The following NRXN1 variants were observed in gnomAD, a reference collection of about 807,000 sequenced individuals.
NRXN1 encodes the protein neurexin 1, also known as neurexin-1.
NRXN1 carries 39 observed loss-of-function variants against 150.9 expected under a neutral mutation model. The observed-to-expected ratio is 0.26, with a 90% CI of 0.20 to 0.34. The LOEUF is 0.34. Among genes scored for constraint, NRXN1 ranks in the 10% least tolerant of loss-of-function variants. The probability of loss-of-function intolerance (pLI) is 1.00; values close to 1 mark genes in which losing one functional copy is unlikely to be tolerated. For synonymous variants in NRXN1, 924 were observed against 757.0 expected, an observed-to-expected ratio of 1.22 and a Z score of -3.62; for missense variants, 1,815 against 1,949.9, an observed-to-expected ratio of 0.93 and a Z score of 1.30.
intron 5 of NRXN1, among the ~76,000 whole-genome samples, chr2:50,761,451 A>C (rs1415255799): frequency 6.6e-6 from 1 of 151,926 alleles, no homozygotes; most frequent in African/African-American, 2.4e-5. Flanking sequence ...GCCTGCTGCC[A>C]TGTAAGATGC....
At chr2:50,885,625 T>C (rs998665947) in intron 5 of NRXN1, among the ~76,000 whole-genome samples, 1 of 151,456 alleles carries the variant, frequency 6.6e-6, no homozygotes, top group Non-Finnish European at 1.5e-5. Context: ...CCAGGAGATA[T>C]GAAGTCATAC....
At chr2:50,411,317 C>T (rs1162002052) in intron 17 of NRXN1, among the ~76,000 whole-genome samples, 1 of 152,202 alleles carries the variant, frequency 6.6e-6, no homozygotes, top group Non-Finnish European at 1.5e-5. Context: ...CAGAGTCTCG[C>T]TCACTCAGTG....
chr2:49,959,372 T>C (rs1201163795), intron 21 of NRXN1, among the ~76,000 whole-genome samples: 7 of 152,214 alleles, frequency 4.6e-5, no homozygotes, highest in Non-Finnish European at 8.8e-5. Flanking sequence ...GATGCAGCCA[T>C]GCAGGCATCC....
At chr2:50,034,030 A>G (rs899371363) in intron 21 of NRXN1, among the ~76,000 whole-genome samples, 10 of 152,034 alleles carry the variant, frequency 6.6e-5, no homozygotes, top group South Asian at 2.1e-4. Flanking sequence ...GAGAATGCTT[A>G]TACACTGTTG....
At chr2:50,501,400 A>ACTGTGT (rs1553706191) in intron 13 of NRXN1, among the ~76,000 whole-genome samples, 3 of 148,180 alleles carry the variant, frequency 2.0e-5, no homozygotes, top group African/African-American at 2.5e-5. Context: ...TGTGTGTGTG[A>ACTGTGT]GTGTGTGTGT....
At chr2:50,500,752 A>G (rs2091899753) in intron 13 of NRXN1, among the ~76,000 whole-genome samples, 2 of 152,338 alleles carry the variant, frequency 1.3e-5, no homozygotes, top group East Asian at 1.9e-4. Context: ...AGAAATCTCA[A>G]TATTTCCAAG....
chr2:50,329,684 T>TAA (rs2076703803), intron 17 of NRXN1, among the ~76,000 whole-genome samples: 1 of 86,568 alleles, frequency 1.2e-5, no homozygotes, highest in Non-Finnish European at 2.3e-5. Flanking sequence ...TTTTTTTTTT[T>TAA]CCCCCCCGAG....
At chr2:50,163,269 A>G (rs551046406) in intron 18 of NRXN1, among the ~76,000 whole-genome samples, 5 of 151,782 alleles carry the variant, frequency 3.3e-5, no homozygotes, top group South Asian at 4.2e-4. Context: ...CAGACGTCCA[A>G]TGATACACGG....
At chr2:50,871,873 G>C (rs1023503358) in intron 5 of NRXN1, among the ~76,000 whole-genome samples, 2 of 151,790 alleles carry the variant, frequency 1.3e-5, no homozygotes, top group Non-Finnish European at 2.9e-5. Flanking sequence ...TTAAAATTTA[G>C]AGTATTTTAA....
At chr2:50,641,801 A>G (rs976224354) in intron 5 of NRXN1, among the ~76,000 whole-genome samples, 1 of 152,122 alleles carries the variant, frequency 6.6e-6, no homozygotes, top group African/African-American at 2.4e-5. Context: ...GTTATTCAGC[A>G]GAACAGCCAC....
intron 5 of NRXN1, among the ~76,000 whole-genome samples, chr2:50,780,042 T>C (rs2105508839): frequency 6.6e-6 from 1 of 152,312 alleles, no homozygotes; most frequent in African/African-American, 2.4e-5. Flanking sequence ...GTTTCCTGAC[T>C]TTTTAATGAT....
intron 19 of NRXN1, among the ~76,000 whole-genome samples, chr2:50,062,655 T>C (rs1389291827): frequency 6.6e-6 from 1 of 152,130 alleles, no homozygotes; most frequent in Non-Finnish European, 1.5e-5. Flanking sequence ...TTAAATTTCA[T>C]GGTGTGACTC....
At chr2:50,329,617 G>A (rs374897378) in intron 17 of NRXN1, among the ~76,000 whole-genome samples, 255 of 13,876 alleles carry the variant, frequency 0.018, 3 homozygotes, top group Middle Eastern at 0.071. Context: ...GTGTGTGTGT[G>A]TATATATATA....
intron 5 of NRXN1, among the ~76,000 whole-genome samples, chr2:50,818,192 G>GTTTTTT (rs369379043): frequency 7.4e-6 from 1 of 135,794 alleles, no homozygotes; most frequent in Non-Finnish European, 1.6e-5. Context: ...AAAAACAATT[G>GTTTTTT]TTTTTTTTTT....
At chr2:50,683,557 G>A (rs892819244) in intron 5 of NRXN1, among the ~76,000 whole-genome samples, 103 of 142,426 alleles carry the variant, frequency 7.2e-4, no homozygotes, top group African/African-American at 1.1e-3. Context: ...GTGTGAACCC[G>A]GGAGGCAGAC....
intron 18 of NRXN1, among the ~76,000 whole-genome samples, chr2:50,111,114 C>A (rs1217261695): frequency 1.3e-5 from 2 of 152,104 alleles, no homozygotes; most frequent in African/African-American, 4.8e-5. Flanking sequence ...CCGTGATACA[C>A]TGGGGGCAAC....
At chr2:50,397,394 G>A (rs2082117576) in intron 17 of NRXN1, among the ~76,000 whole-genome samples, 1 of 152,036 alleles carries the variant, frequency 6.6e-6, no homozygotes, top group Non-Finnish European at 1.5e-5. Flanking sequence ...TATAAGCAAA[G>A]AATGACAAGC....
At chr2:50,424,493 C>T (rs185755442) in intron 17 of NRXN1, among the ~76,000 whole-genome samples, 83 of 152,102 alleles carry the variant, frequency 5.5e-4, no homozygotes, top group African/African-American at 2.0e-3. Flanking sequence ...GTTGAGTGCA[C>T]CGGCTTAGAG....
chr2:50,987,822 A>T (rs1697949853), intron 2 of NRXN1, among the ~76,000 whole-genome samples: 1 of 151,968 alleles, frequency 6.6e-6, no homozygotes, highest in East Asian at 1.9e-4. Context: ...ACCAGAGACC[A>T]CTAACCCCCA....
Sources: gnomAD v4.1 joint callset for allele counts (sites outside exome capture counted in the v4.1 genomes callset) on GRCh38, gnomAD v4.1.1 for gene constraint, MANE v1.5 for transcripts, NCBI Gene and HGNC (gene_info 2026-07-23, HGNC 2026-07-21) for gene names.